VEZT: variants seen among roughly 807,000 people sequenced by gnomAD.
The protein encoded by VEZT is vezatin, adherens junctions transmembrane protein, also known as vezatin.
VEZT carries 39 observed loss-of-function variants against 79.9 expected under a neutral mutation model. That is an observed-to-expected ratio of 0.49 (90% CI 0.38 to 0.64). The LOEUF (loss-of-function observed/expected upper bound fraction) is 0.64. VEZT is among the 30% of genes least tolerant of loss of function. The probability of loss-of-function intolerance (pLI) is 0.00; values close to 1 mark genes in which losing one functional copy is unlikely to be tolerated. For missense variants in VEZT, 837 were observed against 893.1 expected (o/e 0.94, Z 0.80); for synonymous variants, 325 against 327.6 (o/e 0.99, Z 0.09).
chr12:95,254,765 A>G (rs987449736), intron 2 of VEZT, among the ~76,000 whole-genome samples: 2 of 152,240 alleles, frequency 1.3e-5, no homozygotes, highest in Non-Finnish European at 2.9e-5. Context: ...TGAAGTATCA[A>G]TTATTTCCTC....
intron 9 of VEZT, among the ~76,000 whole-genome samples, chr12:95,292,589 C>G (rs949974420): frequency 6.7e-6 from 1 of 150,038 alleles, no homozygotes; most frequent in Admixed American, 6.6e-5. Context: ...CACTCTGTCG[C>G]CCAGGCTGGA....
chr12:95,226,460 C>T (rs2058509794), intron 1 of VEZT, among the ~76,000 whole-genome samples: 1 of 151,180 alleles, frequency 6.6e-6, no homozygotes, highest in African/African-American at 2.4e-5. Context: ...AGATAGAAAT[C>T]AGAGTCATTC....
Position 95,257,203 on chromosome 12 carries a change from T to G in VEZT, c.222T>G (p.Ser74=), listed in dbSNP as rs2063605482. Residue 74 remains serine (S), a synonymous_variant, in exon 3 of 12, where the codon TCT becomes TCG. Transcript: ENST00000436874. ...CCATCAAAAGTTGGATTTTTTTTTC[T>G]CAGTGCAATAAGAAAGATGACTTAC... The part of the protein sequence containing the change: ...AETIKSWIFF[S]QCNKKDDLLH... 2 of 1,611,294 alleles carry G rather than the reference T, an allele frequency of 1.2e-6. No homozygotes were observed. Among genetic ancestry groups the G allele is most frequent in the Non-Finnish European group, 1.7e-6 (2 of 1,178,810 alleles).
intron 1 of VEZT, among the ~76,000 whole-genome samples, chr12:95,235,476 C>T (rs542579492): frequency 3.3e-4 from 45 of 138,390 alleles, no homozygotes; most frequent in Admixed American, 3.1e-3. Flanking sequence ...TCCTCACTTC[C>T]CAGTAGGGGC....
chr12:95,274,667 T>G, intron 6 of VEZT, 75 bp from the exon 7 acceptor site: 1 of 1,445,548 alleles, frequency 6.9e-7, no homozygotes, highest in Non-Finnish European at 9.2e-7. Flanking sequence ...TTAGGGAATG[T>G]GATATAGGAC....
intron 9 of VEZT, among the ~76,000 whole-genome samples, chr12:95,289,377 AC>A (rs1158523483): frequency 7.7e-6 from 1 of 129,516 alleles, no homozygotes; most frequent in East Asian, 2.4e-4. Flanking sequence ...AGATCGTACC[AC>A]TGCACTCCAG....
intron 7 of VEZT, among the ~76,000 whole-genome samples, chr12:95,279,812 G>T (rs2068596684): frequency 6.9e-6 from 1 of 145,960 alleles, no homozygotes; most frequent in Non-Finnish European, 1.5e-5. Flanking sequence ...TCCCAGGCTG[G>T]TCTCCCAACT....
intron 2 of VEZT, among the ~76,000 whole-genome samples, chr12:95,254,859 T>G (rs1446924089): frequency 1.3e-5 from 2 of 152,214 alleles, no homozygotes; most frequent in Non-Finnish European, 2.9e-5. Context: ...TTTTTGCATA[T>G]GCTTGTTAGT....
At chr12:95,218,105 C>G (rs984673180) in intron 1 of VEZT, 9 of 395,696 alleles carry the variant, frequency 2.3e-5, no homozygotes, top group African/African-American at 1.9e-4. Flanking sequence ...TCGGGCCCGC[C>G]CAGAATTCCC....
intron 9 of VEZT, among the ~76,000 whole-genome samples, chr12:95,289,767 T>C (rs576095707): frequency 6.6e-6 from 1 of 152,232 alleles, no homozygotes; most frequent in Non-Finnish European, 1.5e-5. Context: ...TATCTTTTTT[T>C]AAAAAGGTCT....
chr12:95,232,937 C>T (rs918831412), intron 1 of VEZT, among the ~76,000 whole-genome samples: 14 of 152,080 alleles, frequency 9.2e-5, no homozygotes, highest in Admixed American at 8.5e-4. Flanking sequence ...TCCTGAGTTG[C>T]TAAGAGCACA....
intron 1 of VEZT, among the ~76,000 whole-genome samples, chr12:95,250,224 C>T (rs1243151050): frequency 7.6e-6 from 1 of 131,146 alleles, no homozygotes; most frequent in African/African-American, 2.8e-5. Flanking sequence ...CCTCCCCCCA[C>T]CTAATTGTAG....
At chr12:95,261,232 T>C (rs959393785) in intron 3 of VEZT, among the ~76,000 whole-genome samples, 4 of 152,156 alleles carry the variant, frequency 2.6e-5, no homozygotes, top group African/African-American at 9.7e-5. Flanking sequence ...CAGCGAGGCC[T>C]GGAATGTGTG....
Position 95,282,474 on chromosome 12 carries a change from T to C in VEZT, c.1158T>C (p.Ser386=), listed in dbSNP as rs1264856579. The C allele has an allele frequency of 2.5e-6, 4 of 1,614,014 alleles. No homozygotes were observed. The East Asian group carries it at 6.7e-5, about 27-fold the overall frequency. Residue 386 remains serine, a synonymous_variant, in exon 8 of 12, where the codon TCT becomes TCC. Transcript: ENST00000436874. ...DVTQGLPHAH[S]ACLEELKRSY... ...CTCAAGGTCTACCTCATGCTCATTC[T>C]GCCTGTTTGGAAGAGCTTAAGCGCA...
intron 8 of VEZT, chr12:95,286,380 A>G: frequency 4.0e-6 from 2 of 497,410 alleles, no homozygotes; most frequent in Non-Finnish European, 7.9e-6. Context: ...GATACTTCAT[A>G]TTTGCCTTTT....
chr12:95,292,695 C>T (rs2073208340), intron 9 of VEZT, among the ~76,000 whole-genome samples: 1 of 151,820 alleles, frequency 6.6e-6, no homozygotes, highest in Admixed American at 6.6e-5. Context: ...ACTACAGGCG[C>T]ATGCCACCAT....
At chr12:95,265,041 T>A (rs1166289466) in intron 4 of VEZT, among the ~76,000 whole-genome samples, 1 of 152,068 alleles carries the variant, frequency 6.6e-6, no homozygotes. Flanking sequence ...TTAAATTTTT[T>A]GTAGAGAAGG....
At chr12:95,257,024 C>G in intron 2 of VEZT, 126 bp from the exon 3 acceptor site, 1 of 754,222 alleles carries the variant, frequency 1.3e-6, no homozygotes, top group Non-Finnish European at 2.1e-6. Flanking sequence ...AGGTATATAA[C>G]CTGGACAATT....
chr12:95,246,389 C>T (rs1318331573), intron 1 of VEZT, among the ~76,000 whole-genome samples: 2 of 152,206 alleles, frequency 1.3e-5, no homozygotes, highest in South Asian at 4.1e-4. Context: ...TCCCAAAGTG[C>T]TGGGATTACA....
Sources: gnomAD v4.1 joint callset for allele counts (sites outside exome capture counted in the v4.1 genomes callset) on GRCh38, gnomAD v4.1.1 for gene constraint, MANE v1.5 for transcripts, NCBI Gene and HGNC (gene_info 2026-07-23, HGNC 2026-07-21) for gene names.